TRAPPC9: variants seen among roughly 807,000 people sequenced by gnomAD.
TRAPPC9 encodes trafficking protein particle complex subunit 9.
TRAPPC9 carries 83 observed loss-of-function variants against 124.0 expected under a neutral mutation model. The observed-to-expected ratio is 0.67, with a 90% CI of 0.56 to 0.80. TRAPPC9 has a LOEUF of 0.80. TRAPPC9 is among the 30% of genes least tolerant of loss of function. The probability of loss-of-function intolerance (pLI) is 0.00; values close to 1 mark genes in which losing one functional copy is unlikely to be tolerated. For synonymous variants in TRAPPC9, 638 were observed against 617.5 expected, an observed-to-expected ratio of 1.03 and a Z score of -0.49; for missense variants, 1,302 against 1,508.3, an observed-to-expected ratio of 0.86 and a Z score of 2.27.
intron 9 of TRAPPC9, among the ~76,000 whole-genome samples, chr8:140,314,551 T>G (rs1024187692): frequency 6.6e-6 from 1 of 152,172 alleles, no homozygotes; most frequent in African/African-American, 2.4e-5. Context: ...AACTTACTTC[T>G]CCTAACTAGA....
rs80220712 is a variant in TRAPPC9 at position 139,913,285 on chromosome 8, G to A, written c.2811-2985C>T. Among the ~76,000 whole-genome samples the A allele has an allele frequency of 8.2e-4, 125 of 152,334 alleles. 3 individuals carry two copies. The East Asian group carries it at 0.023, about 28-fold the overall frequency. On this transcript the variant is annotated intron_variant, in intron 19 of 22. Transcript: ENST00000438773. ...GCACTTGCTGTGTGCCAAGCCCGGC[G>A]CTGGGTGTTCTGTGTGTACGCTCAT...
chr8:140,113,650 T>C (rs893728638), intron 17 of TRAPPC9, among the ~76,000 whole-genome samples: 3 of 152,206 alleles, frequency 2.0e-5, no homozygotes, highest in African/African-American at 7.2e-5. Flanking sequence ...GGGCTCTGCC[T>C]GTCCGTAGGA....
At chr8:140,086,453 C>T (rs79258398) in intron 17 of TRAPPC9, among the ~76,000 whole-genome samples, 7,515 of 152,270 alleles carry the variant, frequency 0.049, 228 homozygotes, top group South Asian at 0.078. Context: ...ATGAGGGCAG[C>T]AGCCTCCCCA....
intron 17 of TRAPPC9, among the ~76,000 whole-genome samples, chr8:140,118,361 C>T (rs921895764): frequency 6.6e-6 from 1 of 152,240 alleles, no homozygotes; most frequent in Non-Finnish European, 1.5e-5. Flanking sequence ...AATGAATGAA[C>T]GTCTACCATT....
intron 18 of TRAPPC9, among the ~76,000 whole-genome samples, chr8:140,022,815 G>C (rs1587515791): frequency 6.6e-6 from 1 of 152,224 alleles, no homozygotes; most frequent in African/African-American, 2.4e-5. Context: ...AAAGGTGACA[G>C]ATGATGAAAT....
At chr8:139,801,572 G>A (rs1348414697) in intron 21 of TRAPPC9, among the ~76,000 whole-genome samples, 1 of 152,334 alleles carries the variant, frequency 6.6e-6, no homozygotes, top group Non-Finnish European at 1.5e-5. Flanking sequence ...AAAATGCCAG[G>A]AGCTGTAACC....
intron 21 of TRAPPC9, among the ~76,000 whole-genome samples, chr8:139,876,670 G>T (rs1232818633): frequency 6.6e-6 from 1 of 152,174 alleles, no homozygotes; most frequent in Non-Finnish European, 1.5e-5. Context: ...TTTATTGAAT[G>T]AATGGATGGA....
At chr8:140,028,074 CA>C (rs1255753840) in intron 17 of TRAPPC9, among the ~76,000 whole-genome samples, 1 of 151,898 alleles carries the variant, frequency 6.6e-6, no homozygotes, top group Non-Finnish European at 1.5e-5. Context: ...GAGATAAAAA[CA>C]AAAACCAGAA....
At position 140,415,111 on chromosome 8, in the gene TRAPPC9, G is replaced by A. The variant is rs930859920; in HGVS notation, c.887-9413C>T. 2.0e-4 allele frequency among the ~76,000 whole-genome samples: 30 copies of A among 151,996 alleles called. 1 individual carries two copies. The highest frequency in any genetic ancestry group is 6.8e-4 in the African/African-American group (28 of 41,374). ...CTATAGTCTCAGCTACTTGGGAGGCGAAAGCAGGAGGATCTCTTGAGCCCA... is the reference window on the plus strand; with the variant it reads ...CTATAGTCTCAGCTACTTGGGAGGCAAAAGCAGGAGGATCTCTTGAGCCCA... On this transcript the variant is annotated intron_variant, in intron 5 of 22. Transcript: ENST00000438773.
At chr8:139,789,713 C>T (rs767214022) in intron 21 of TRAPPC9, among the ~76,000 whole-genome samples, 14 of 152,274 alleles carry the variant, frequency 9.2e-5, no homozygotes, top group Admixed American at 5.2e-4. Flanking sequence ...GGTAAGTACA[C>T]CTGTGACGCC....
intron 17 of TRAPPC9, among the ~76,000 whole-genome samples, chr8:140,062,477 T>C (rs2132148920): frequency 6.6e-6 from 1 of 152,268 alleles, no homozygotes; most frequent in African/African-American, 2.4e-5. Flanking sequence ...GGGCCTTTAC[T>C]CCAGCTGCTG....
chr8:139,906,315 G>T (rs77412387), intron 20 of TRAPPC9, among the ~76,000 whole-genome samples: 3,136 of 152,154 alleles, frequency 0.021, 89 homozygotes, highest in Middle Eastern at 0.085. Flanking sequence ...TGTCTTCATT[G>T]TAATTTCTCT....
In TRAPPC9 at chr8:140,246,062, A is replaced by T. The variant is rs573123889; in HGVS notation, c.2431+6715T>A. 3.3e-5 allele frequency among the ~76,000 whole-genome samples: 5 copies of T among 152,344 alleles called. No homozygotes were observed. In the East Asian group the frequency reaches 9.6e-4, roughly 29 times the overall value. ...AAGGCAGAATAAATACTCATTGCTT[A>T]CCATTTTCAAAATGATAAATCACTT... On this transcript the variant is annotated intron_variant, in intron 16 of 22. Coordinates refer to ENST00000438773, the MANE Select transcript of TRAPPC9 (RefSeq NM_001160372.4).
At chr8:140,224,903 C>T (rs1002118701) in intron 16 of TRAPPC9, among the ~76,000 whole-genome samples, 19 of 152,128 alleles carry the variant, frequency 1.2e-4, no homozygotes, top group African/African-American at 2.4e-4. Context: ...GCAGAGAGCC[C>T]GGTAGGAGAT....
intron 17 of TRAPPC9, among the ~76,000 whole-genome samples, chr8:140,092,077 A>G (rs1265996910): frequency 9.2e-6 from 1 of 108,174 alleles, no homozygotes; most frequent in Non-Finnish European, 2.0e-5. Context: ...CAAGCACTCC[A>G]AAAAAAAAAA....
In TRAPPC9 at chr8:140,241,556, A is replaced by G. The variant is rs567313747; in HGVS notation, c.2431+11221T>C. ...CTAAAAATACAAAAATTAGCTGGGC[A>G]TGGTGGTGTGCGCCTGTAGTCCCAG... is the stretch of plus-strand genomic sequence containing the variant. On this transcript the variant is annotated intron_variant, in intron 16 of 22. Transcript: ENST00000438773. The surrounding 1 kb of genome is among the most constrained non-coding windows in gnomAD (Gnocchi z 5.0). Among the ~76,000 whole-genome samples the G allele has an allele frequency of 2.0e-5, 3 of 152,214 alleles. No individual in the cohort carries two copies. The highest frequency in any genetic ancestry group is 4.4e-5 in the Non-Finnish European group (3 of 67,996).
At chr8:139,744,144 A>G (rs1818739114) in intron 21 of TRAPPC9, among the ~76,000 whole-genome samples, 1 of 152,200 alleles carries the variant, frequency 6.6e-6, no homozygotes. Context: ...CTATGCCAAT[A>G]TGGTTTCCCT....
chr8:140,319,019 A>T (rs1174064345), intron 9 of TRAPPC9, among the ~76,000 whole-genome samples: 1 of 152,148 alleles, frequency 6.6e-6, no homozygotes, highest in Non-Finnish European at 1.5e-5. Flanking sequence ...AAAATTTGAC[A>T]TGTTCACAGC....
chr8:139,913,984 G>A (rs1301880434), intron 19 of TRAPPC9: 1 of 152,374 alleles, frequency 6.6e-6, no homozygotes, highest in Non-Finnish European at 1.5e-5. Flanking sequence ...TTCCCATGGA[G>A]GGGTCCTCAC....
Sources: allele counts gnomAD v4.1 joint callset (sites outside exome capture counted in the v4.1 genomes callset), GRCh38; gene constraint gnomAD v4.1.1; non-coding constraint Gnocchi (gnomAD v3.1); transcripts MANE v1.5; gene names NCBI Gene and HGNC (gene_info 2026-07-23, HGNC 2026-07-21).